Variants in TRIP11 observed in about 807,000 individuals in gnomAD.
TRIP11 encodes thyroid receptor-interacting protein 11.
A neutral mutation model predicts 223.1 loss-of-function variants in TRIP11; 148 were observed. The ratio of observed to expected loss-of-function variants is 0.66; its 90% CI spans 0.58 to 0.76. The LOEUF is 0.76. Ranked by LOEUF, TRIP11 falls within the 30% of genes least tolerant of loss-of-function variation. The pLI, the probability that TRIP11 is intolerant of heterozygous loss-of-function variation, is 0.00. For synonymous variants in TRIP11, 762 were observed against 772.6 expected (o/e 0.99, Z 0.23); for missense variants, 2,043 against 2,222.0 (o/e 0.92, Z 1.62).
At chr14:92,031,307 C>G in intron 2 of TRIP11, among the ~76,000 whole-genome samples, 1 of 151,904 alleles carries the variant, frequency 6.6e-6, no homozygotes, top group East Asian at 1.9e-4. Context: ...TTAGTAGAGA[C>G]AGGGTTTCAC....
intron 4 of TRIP11, among the ~76,000 whole-genome samples, chr14:92,018,991 T>G (rs1161953254): frequency 2.0e-5 from 3 of 149,328 alleles, no homozygotes; most frequent in Admixed American, 1.3e-4. Context: ...AAAAAAAAAC[T>G]TTCAGTTTCC....
intron 13 of TRIP11, among the ~76,000 whole-genome samples, chr14:91,996,520 C>T (rs1013260048): frequency 1.3e-5 from 2 of 152,000 alleles, no homozygotes; most frequent in Non-Finnish European, 2.9e-5. Flanking sequence ...CTAGCCTGGG[C>T]GACAGAGTGA....
At position 91,969,736 on chromosome 14, in the gene TRIP11, T is replaced by C. The variant is rs757179177; in HGVS notation, c.5877A>G (p.Thr1959=). 3 of 1,613,420 alleles carry C rather than the reference T, an allele frequency of 1.9e-6. No homozygotes were observed. The Admixed American group carries it at 5.0e-5, about 27-fold the overall frequency. ...KPISDVLPTF[T]PLPALPDNSA... Reference sequence around the variant, plus strand: ...TGTTGTCAGGTAACGCTGGCAAAGGTGTAAATGTGGGCAAAACATCTGAGA... The same window carrying C: ...TGTTGTCAGGTAACGCTGGCAAAGGCGTAAATGTGGGCAAAACATCTGAGA... The change falls in exon 21 of 21, where the codon ACA becomes ACG. Residue 1959 remains threonine (T), a synonymous_variant. Transcript: ENST00000267622.
In TRIP11 at chr14:92,003,656, CA is replaced by C; in HGVS notation, c.4319del (p.Leu1440Ter). On this transcript the variant is annotated frameshift_variant, in exon 11 of 21. Coordinates refer to ENST00000267622, the MANE Select transcript of TRIP11 (RefSeq NM_004239.4). LOFTEE classifies it high-confidence loss of function. ...FTNKVNENEL[L>X]RQAVTNLKER... The stretch of plus-strand genomic sequence containing the variant: ...CCTTCAGGTTTGTTACTGCCTGCCT[CA>C]AAAGTTCGTTTTCATTTACTTTGTT... 6.2e-7 allele frequency: 1 copy of C among 1,614,128 alleles called. No homozygotes were observed. The highest frequency in any genetic ancestry group is 8.5e-7 in the Non-Finnish European group (1 of 1,180,022).
intron 4 of TRIP11, among the ~76,000 whole-genome samples, chr14:92,019,137 TGAACGGTCCCAA>T (rs1487775561): frequency 6.6e-6 from 1 of 152,164 alleles, no homozygotes; most frequent in African/African-American, 2.4e-5. Context: ...TTAAGTCCTC[TGAACGGTCCCAA>T]TTATGCCTTT....
chr14:91,989,279 T>A (rs1443524508), intron 15 of TRIP11, among the ~76,000 whole-genome samples: 1 of 152,188 alleles, frequency 6.6e-6, no homozygotes. Context: ...ATCCCTGCTT[T>A]AATACAATTA....
At chr14:92,009,522 A>T (rs574265668) in intron 9 of TRIP11, among the ~76,000 whole-genome samples, 16 of 152,336 alleles carry the variant, frequency 1.1e-4, no homozygotes, top group African/African-American at 3.4e-4. Flanking sequence ...ACAAACGACT[A>T]GGTCAGTCAG....
rs2110430 is a variant in TRIP11, at chr14:91,998,975, G to C, written c.4892+265C>G. Among the ~76,000 whole-genome samples the C allele has an allele frequency of 0.019, 2,822 of 152,244 alleles. 53 individuals carry two copies. Among genetic ancestry groups the C allele is most frequent in the South Asian group, 0.083 (398 of 4,808 alleles). ...TCAAACTATACTCCTAAAATGGTAAGAGGCAGTGATCTAGGGTGATGGTCA... is the reference window on the plus strand; with the variant it reads ...TCAAACTATACTCCTAAAATGGTAACAGGCAGTGATCTAGGGTGATGGTCA... On this transcript the variant is annotated intron_variant, in intron 13 of 20. Coordinates refer to ENST00000267622, the MANE Select transcript of TRIP11 (RefSeq NM_004239.4).
intron 8 of TRIP11, 31 bp downstream of exon 8, chr14:92,011,724 A>G: frequency 1.3e-6 from 2 of 1,590,686 alleles, no homozygotes; most frequent in South Asian, 2.2e-5. Context: ...CACTGTCTCT[A>G]TGCACATAAC....
At chr14:91,974,411 C>A (rs914423432) in intron 19 of TRIP11, among the ~76,000 whole-genome samples, 1 of 152,104 alleles carries the variant, frequency 6.6e-6, no homozygotes. Context: ...AATAAAAGCA[C>A]CATATAGAGT....
At chr14:91,987,683 T>C (rs1410546612) in intron 16 of TRIP11, among the ~76,000 whole-genome samples, 1 of 152,186 alleles carries the variant, frequency 6.6e-6, no homozygotes. Context: ...GAAATGAGGA[T>C]ATGCCATCTT....
rs1354079347 is a variant in TRIP11 at position 92,026,450 on chromosome 14, T to C, written c.202-1030A>G. ...CACTGGCTGCTCTGAAAAGCCATCTTTGCATTGTTCCTCGTCCGCCTCCTT... is the reference window on the plus strand; with the variant it reads ...CACTGGCTGCTCTGAAAAGCCATCTCTGCATTGTTCCTCGTCCGCCTCCTT... On this transcript the variant is annotated intron_variant, in intron 2 of 20. Transcript: ENST00000267622. 3 of 671,654 alleles carry C rather than the reference T, an allele frequency of 4.5e-6. No homozygotes were observed. The East Asian group carries it at 8.7e-5, about 19-fold the overall frequency. 41.6% of individuals were successfully genotyped at this position (671,654 alleles called of 1,614,324 possible).
intron 5 of TRIP11, 76 bp downstream of exon 5, chr14:92,017,606 T>C: frequency 9.0e-7 from 1 of 1,114,630 alleles, no homozygotes; most frequent in South Asian, 1.3e-5. Flanking sequence ...CTGAGACTTT[T>C]ACTAATTCAG....
intron 12 of TRIP11, 59 bp from the exon 13 acceptor site, chr14:91,999,492 A>C (rs2056794297): frequency 6.5e-7 from 1 of 1,531,640 alleles, no homozygotes; most frequent in East Asian, 2.3e-5. Context: ...GCTACAAACC[A>C]TTTTGTTATC....
intron 10 of TRIP11, 101 bp from the exon 11 acceptor site, chr14:92,006,549 A>C: frequency 8.2e-7 from 1 of 1,223,494 alleles, no homozygotes; most frequent in South Asian, 1.4e-5. Flanking sequence ...TAATCCTCAA[A>C]TATTTCTAAT....
chr14:92,003,011 T>G (rs1382366795), intron 11 of TRIP11, among the ~76,000 whole-genome samples: 1 of 152,188 alleles, frequency 6.6e-6, no homozygotes, highest in Non-Finnish European at 1.5e-5. Context: ...ATGTATTTCT[T>G]ACTGCAGATG....
intron 15 of TRIP11, among the ~76,000 whole-genome samples, chr14:91,990,482 T>TA (rs1161204077): frequency 6.6e-6 from 1 of 152,182 alleles, no homozygotes; most frequent in Non-Finnish European, 1.5e-5. Flanking sequence ...CTTTAAATTT[T>TA]AAAAAATAAA....
chr14:91,969,321 A>C lies in TRIP11; in HGVS notation c.*352T>G. 3.0e-6 allele frequency: 1 copy of C among 336,228 alleles called. No individual in the cohort carries two copies. Among genetic ancestry groups the C allele is most frequent in the Non-Finnish European group, 5.5e-6 (1 of 180,776 alleles). The allele number at this position is 336,228 out of a possible 1,614,324, so 20.8% of individuals were successfully genotyped here. A position where few individuals can be genotyped will look rare whatever the true frequency, so the allele number is the denominator to read the frequency against. ...AAAAAACACTCTCTTGATAAACCAC[A>C]ATCTCTAGCTTAAATGAGCTTGGAA... On this transcript the variant is annotated 3_prime_UTR_variant, in exon 21 of 21. Coordinates refer to ENST00000267622, the MANE Select transcript of TRIP11 (RefSeq NM_004239.4).
chr14:91,986,516 T>C (rs2056605927), intron 16 of TRIP11, among the ~76,000 whole-genome samples: 1 of 152,240 alleles, frequency 6.6e-6, no homozygotes, highest in Non-Finnish European at 1.5e-5. Context: ...CAACCTGTAT[T>C]TCAAGAACTC....
Sources: allele counts gnomAD v4.1 joint callset (sites outside exome capture counted in the v4.1 genomes callset), GRCh38; gene constraint gnomAD v4.1.1; transcripts MANE v1.5; gene names NCBI Gene and HGNC (gene_info 2026-07-23, HGNC 2026-07-21).